The following HMBOX1 variants were observed in gnomAD, a reference collection of about 807,000 sequenced individuals.
The protein encoded by HMBOX1 is homeobox containing 1.
In HMBOX1, 14 loss-of-function variants were observed where a neutral mutation model predicts 54.5. That is an observed-to-expected ratio of 0.26 (90% CI 0.17 to 0.40). HMBOX1 has a LOEUF of 0.40. Among genes scored for constraint, HMBOX1 ranks in the 10% least tolerant of loss-of-function variants. HMBOX1 has a pLI of 1.00. For missense variants in HMBOX1, 332 were observed against 514.4 expected, an observed-to-expected ratio of 0.65 and a Z score of 3.43; for synonymous variants, 160 against 181.0, an observed-to-expected ratio of 0.88 and a Z score of 0.93.
chr8:29,039,132 C>A (rs968699945), intron 6 of HMBOX1, among the ~76,000 whole-genome samples: 3 of 152,114 alleles, frequency 2.0e-5, no homozygotes, highest in African/African-American at 4.8e-5. Flanking sequence ...AATATAATTT[C>A]TTTTACAGTA....
At chr8:28,996,698 T>G (rs1831909296) in intron 4 of HMBOX1, among the ~76,000 whole-genome samples, 1 of 152,362 alleles carries the variant, frequency 6.6e-6, no homozygotes, top group African/African-American at 2.4e-5. Flanking sequence ...TCATGCAGAT[T>G]TACATTTGTG....
intron 1 of HMBOX1, among the ~76,000 whole-genome samples, chr8:28,912,101 C>T (rs1815561032): frequency 6.6e-6 from 1 of 152,136 alleles, no homozygotes; most frequent in African/African-American, 2.4e-5. Context: ...GAACACTATA[C>T]TGAAACTGTT....
At chr8:28,972,729 C>G (rs1199234913) in intron 3 of HMBOX1, among the ~76,000 whole-genome samples, 7 of 152,096 alleles carry the variant, frequency 4.6e-5, no homozygotes, top group African/African-American at 1.7e-4. Context: ...GTAAAAGTCT[C>G]TAGAAGATTG....
At chr8:28,947,201 A>G (rs1287355400) in intron 1 of HMBOX1, among the ~76,000 whole-genome samples, 3 of 152,208 alleles carry the variant, frequency 2.0e-5, no homozygotes, top group Non-Finnish European at 1.5e-5. Context: ...AGGCCCTAAA[A>G]TAACTCTCTA....
chr8:29,028,511 C>G (rs533533492), intron 6 of HMBOX1, among the ~76,000 whole-genome samples: 1 of 152,286 alleles, frequency 6.6e-6, no homozygotes, highest in African/African-American at 2.4e-5. Context: ...AGTACATAGA[C>G]TTTGGTTTCA....
At position 28,960,753 on chromosome 8, in the gene HMBOX1, CTTTTTCTTTTTCTTTTTT is replaced by C. The variant is rs1825343248; in HGVS notation, c.-57-3052_-57-3035del. On this transcript the variant is annotated intron_variant, in intron 1 of 9. Coordinates refer to ENST00000287701, the MANE Select transcript of HMBOX1 (RefSeq NM_001135726.3). The stretch of plus-strand genomic sequence containing the variant: ...ATAATTGTAAACTTATTCTCTTTTT[CTTTTTCTTTTTCTTTTTT>C]TTTTTTTTTTTTTTTTTTTTTTTTT... Among the ~76,000 whole-genome samples the C allele has an allele frequency of 1.4e-4, 9 of 65,644 alleles. 1 individual carries two copies. Among genetic ancestry groups the C allele is most frequent in the African/African-American group, 5.6e-4 (9 of 16,142 alleles). 43.1% of individuals were successfully genotyped at this position (65,644 alleles called of 152,430 possible).
chr8:29,020,491 T>A (rs1260368540), intron 6 of HMBOX1, among the ~76,000 whole-genome samples: 1 of 152,208 alleles, frequency 6.6e-6, no homozygotes, highest in Admixed American at 6.5e-5. Flanking sequence ...GGAATTTTAA[T>A]TAAAAAGATA....
At chr8:28,997,467 C>G (rs1354937247) in intron 4 of HMBOX1, among the ~76,000 whole-genome samples, 3 of 151,610 alleles carry the variant, frequency 2.0e-5, no homozygotes, top group African/African-American at 7.3e-5. Flanking sequence ...GTTTATAATC[C>G]TTTATATTTA....
chr8:29,046,194 G>A (rs992452981), intron 7 of HMBOX1: 11 of 152,172 alleles, frequency 7.2e-5, no homozygotes, highest in Non-Finnish European at 1.5e-4. Flanking sequence ...TCACCCAGAA[G>A]CCAGACTTCT....
intron 1 of HMBOX1, among the ~76,000 whole-genome samples, chr8:28,938,648 A>G (rs962143341): frequency 2.0e-5 from 3 of 150,110 alleles, no homozygotes; most frequent in Non-Finnish European, 3.0e-5. Context: ...GGGTCTCGCT[A>G]TGTTGCTCCA....
Position 28,925,024 on chromosome 8 carries a change from T to A in HMBOX1, c.-58+34346T>A, listed in dbSNP as rs571873493. On this transcript the variant is annotated intron_variant, in intron 1 of 9. Transcript: ENST00000287701. ...TTCCTATTAGTGATTTTTTTTTTTT[T>A]ACTAGGAGTTGATAAACTATGGCCT... is the stretch of plus-strand genomic sequence containing the variant. Among the ~76,000 whole-genome samples the A allele has an allele frequency of 1.2e-3, 178 of 151,774 alleles. 1 individual carries two copies. The highest frequency in any genetic ancestry group is 3.4e-3 in the Middle Eastern group (1 of 292).
Position 28,977,959 on chromosome 8 carries a change from GA to G in HMBOX1, c.501-2109del, listed in dbSNP as rs202088147. 6.6e-3 allele frequency among the ~76,000 whole-genome samples: 986 copies of G among 148,720 alleles called. 11 individuals are homozygous for G. Among genetic ancestry groups the G allele is most frequent in the East Asian group, 0.051 (261 of 5,124 alleles). On this transcript the variant is annotated intron_variant, in intron 3 of 9. Transcript: ENST00000287701. ...ACTCTGTCTCCAAAAAAAAAAAAAA[GA>G]AAGAAAGAAAGAAATATTTCAAATA...
intron 6 of HMBOX1, among the ~76,000 whole-genome samples, chr8:29,031,573 C>G (rs1225286490): frequency 6.7e-6 from 1 of 150,268 alleles, no homozygotes; most frequent in African/African-American, 2.5e-5. Flanking sequence ...AAAACACAGA[C>G]TTTGGAGTTA....
chr8:28,898,836 A>G (rs1277195957), intron 1 of HMBOX1, among the ~76,000 whole-genome samples: 2 of 152,210 alleles, frequency 1.3e-5, no homozygotes, highest in East Asian at 3.8e-4. Context: ...CATGACCACC[A>G]TGACTTAAAT....
intron 1 of HMBOX1, among the ~76,000 whole-genome samples, chr8:28,908,815 C>T (rs1232009101): frequency 2.6e-5 from 4 of 151,884 alleles, no homozygotes; most frequent in East Asian, 1.9e-4. Flanking sequence ...GTGTTGTGTC[C>T]GGGTGAGGTG....
chr8:29,012,302 A>G (rs984665988), intron 5 of HMBOX1, among the ~76,000 whole-genome samples: 1 of 152,224 alleles, frequency 6.6e-6, no homozygotes, highest in Admixed American at 6.5e-5. Context: ...GTTAGCTTAT[A>G]GGACAGCAGA....
intron 9 of HMBOX1, 31 bp from the exon 10 acceptor site, chr8:29,050,987 C>T: frequency 1.2e-6 from 2 of 1,602,056 alleles, no homozygotes; most frequent in South Asian, 1.1e-5. Flanking sequence ...TTCCAATCCA[C>T]TAATAACATT....
At position 29,018,805 on chromosome 8, in the gene HMBOX1, C is replaced by G. The variant is rs750044205; in HGVS notation, c.743C>G (p.Pro248Arg). ...MRPAPIPIED[P>R]EWRQTPPPVS... Reference sequence around the variant, plus strand: ...CCAGCCCCCATTCCAATAGAGGACCCTGAATGGAGACAAACGCCTCCCCCA... The same window carrying G: ...CCAGCCCCCATTCCAATAGAGGACCGTGAATGGAGACAAACGCCTCCCCCA... The change falls in exon 6 of 10, where the codon CCT (proline) becomes CGT (arginine). Residue 248 changes from proline to arginine, a missense_variant. Around this residue, in one of 4 missense-constraint regions of HMBOX1, gnomAD observed 117 missense variants for 220.0 expected, o/e 0.53. Transcript: ENST00000287701. 6.2e-7 allele frequency: 1 copy of G among 1,614,144 alleles called. No homozygotes were observed. Among genetic ancestry groups the G allele is most frequent in the East Asian group, 2.2e-5 (1 of 44,892 alleles).
intron 1 of HMBOX1, among the ~76,000 whole-genome samples, chr8:28,961,889 A>AT (rs1396245476): frequency 7.8e-6 from 1 of 127,848 alleles, no homozygotes. Context: ...AATGGGTGTC[A>AT]TTTTATTTTT....
Sources: gnomAD v4.1 joint callset for allele counts (sites outside exome capture counted in the v4.1 genomes callset) on GRCh38, gnomAD v4.1.1 for gene constraint, gnomAD v4.1.1 regional missense constraint, MANE v1.5 for transcripts, NCBI Gene and HGNC (gene_info 2026-07-23, HGNC 2026-07-21) for gene names.